Variants in ARID3A observed in about 807,000 individuals in gnomAD.
ARID3A encodes AT-rich interactive domain-containing protein 3A.
A neutral mutation model predicts 52.7 loss-of-function variants in ARID3A; 11 were observed. That is an observed-to-expected ratio of 0.21 (90% CI 0.13 to 0.35). The LOEUF (loss-of-function observed/expected upper bound fraction) is 0.35. ARID3A is among the 10% of genes least tolerant of loss of function. The pLI, the probability that ARID3A is intolerant of heterozygous loss-of-function variation, is 1.00. For missense variants in ARID3A, 721 were observed against 838.5 expected, an observed-to-expected ratio of 0.86 and a Z score of 1.73; for synonymous variants, 404 against 359.4, an observed-to-expected ratio of 1.12 and a Z score of -1.40.
chr19:934,437 T>A (rs75046450), intron 3 of ARID3A, among the ~76,000 whole-genome samples: 3,262 of 152,320 alleles, frequency 0.021, 200 homozygotes, highest in East Asian at 0.2. Flanking sequence ...ACTGTCTACC[T>A]TGTCTGGGCG....
chr19:926,622 A>G (rs1201695434), intron 1 of ARID3A, among the ~76,000 whole-genome samples: 1 of 151,396 alleles, frequency 6.6e-6, no homozygotes, highest in East Asian at 2.0e-4. Flanking sequence ...GTTTATTTAT[A>G]AAGTGTCCGC....
intron 3 of ARID3A, among the ~76,000 whole-genome samples, chr19:957,060 TTTC>T (rs2037935039): frequency 6.6e-6 from 1 of 152,128 alleles, no homozygotes; most frequent in East Asian, 1.9e-4. Context: ...TGAACTCCGC[TTTC>T]TAATTATCCC....
rs567834308 is a variant in ARID3A at position 932,601 on chromosome 19, C to T, written c.552C>T (p.Arg184=). 47 of 1,516,926 alleles carry T rather than the reference C, an allele frequency of 3.1e-5. No homozygotes were observed. In the East Asian group the frequency reaches 5.3e-4, roughly 17 times the overall value. The allele number at this position is 1,516,926 out of a possible 1,614,324, so 94.0% of individuals were successfully genotyped here. ...PRKAQPPQAF[R]GDGVPRVLGG... is the part of the protein sequence containing the mutation. ...AGGCCCAGCCACCCCAGGCCTTCCGCGGCGATGGCGTTCCCAGGGTGCTGG... is the reference window on the plus strand; with the variant it reads ...AGGCCCAGCCACCCCAGGCCTTCCGTGGCGATGGCGTTCCCAGGGTGCTGG... Residue 184 remains arginine (R), a synonymous_variant, in exon 3 of 9, where the codon CGC becomes CGT. Transcript: ENST00000263620.
intron 3 of ARID3A, among the ~76,000 whole-genome samples, chr19:954,364 C>T (rs1266508450): frequency 1.3e-5 from 2 of 152,236 alleles, no homozygotes; most frequent in African/African-American, 4.8e-5. Context: ...CCATCCCCCA[C>T]AGCAGGAAGT....
intron 7 of ARID3A, 55 bp from the exon 8 acceptor site, chr19:968,350 C>G (rs1193101752): frequency 4.0e-6 from 6 of 1,517,506 alleles, no homozygotes; most frequent in Middle Eastern, 1.8e-4. Flanking sequence ...CAGAGCAAGA[C>G]TCTGTCTCAA....
chr19:946,939 G>A (rs2037698402), intron 3 of ARID3A, among the ~76,000 whole-genome samples: 1 of 150,966 alleles, frequency 6.6e-6, no homozygotes, highest in South Asian at 2.1e-4. Flanking sequence ...GATTACAGGT[G>A]CGCCACTATG....
chr19:961,417 T>C (rs1019703806), intron 4 of ARID3A, among the ~76,000 whole-genome samples: 1 of 152,212 alleles, frequency 6.6e-6, no homozygotes, highest in Non-Finnish European at 1.5e-5. Context: ...GGGCCCCTCC[T>C]GTGTTATCCT....
In ARID3A at chr19:947,951, C is replaced by G. The variant is rs979083530; in HGVS notation, c.694-12141C>G. Among the ~76,000 whole-genome samples, 1 of 152,132 alleles carries G rather than the reference C, an allele frequency of 6.6e-6. No individual in the cohort carries two copies. Among genetic ancestry groups the G allele is most frequent in the Non-Finnish European group, 1.5e-5 (1 of 68,002 alleles). On this transcript the variant is annotated intron_variant, in intron 3 of 8. Transcript: ENST00000263620. The surrounding 1 kb of genome is among the most constrained non-coding windows in gnomAD (Gnocchi z 6.3). ...GAAAGGACCTCGTGGCTTAGGCAGG[C>G]GGGGGAGCCCCCCGGCTGGTCAGGT...
chr19:972,015 G>C lies in ARID3A; in HGVS notation c.1732G>C (p.Ala578Pro), dbSNP rs1254377590. 1 of 1,598,418 alleles carries C rather than the reference G, an allele frequency of 6.3e-7. No individual in the cohort carries two copies. The highest frequency in any genetic ancestry group is 8.5e-7 in the Non-Finnish European group (1 of 1,173,438). Residue 578 changes from alanine (A) to proline (P), a missense_variant, in exon 9 of 9, where the codon GCG (alanine) becomes CCG (proline). Transcript: ENST00000263620. Reference protein sequence around the residue: ...TGTSGGQAGPAGLSTPSTSTS... With the variant: ...TGTSGGQAGPPGLSTPSTSTS... Reference sequence around the variant, plus strand: ...AACCAGCGGCGGCCAGGCTGGGCCAGCGGGGCTGTCCACACCCTCCACATC... The same window carrying C: ...AACCAGCGGCGGCCAGGCTGGGCCACCGGGGCTGTCCACACCCTCCACATC...
Position 975,577 on chromosome 19 carries a change from A to AACTC in ARID3A, c.*3514_*3517dup, listed in dbSNP as rs1440643269. 4.6e-6 allele frequency: 1 copy of AACTC among 218,076 alleles called. No homozygotes were observed. Among genetic ancestry groups the AACTC allele is most frequent in the Non-Finnish European group, 9.2e-6 (1 of 108,546 alleles). 13.5% of individuals were successfully genotyped at this position (218,076 alleles called of 1,614,324 possible). A position where few individuals can be genotyped will look rare whatever the true frequency, so the allele number is the denominator to read the frequency against. ...CAGACGGCGTGGGAACCACGCCTGA[A>AACTC]ACTCAGGTAATAGGAGGAAAAAAAA... is the stretch of plus-strand genomic sequence containing the variant. On this transcript the variant is annotated 3_prime_UTR_variant, in exon 9 of 9. Transcript: ENST00000263620.
Position 947,470 on chromosome 19 carries a change from C to T in ARID3A, c.694-12622C>T, listed in dbSNP as rs771362952. Among the ~76,000 whole-genome samples the T allele has an allele frequency of 1.3e-4, 20 of 152,174 alleles. No individual in the cohort carries two copies. The highest frequency in any genetic ancestry group is 2.2e-4 in the Non-Finnish European group (15 of 68,036). ...GGCCTCAGTTTCCCCAACTGTGAAA[C>T]GGGCTGGCGGCCGGTCAGCGTCTCC... On this transcript the variant is annotated intron_variant, in intron 3 of 8. Coordinates refer to ENST00000263620, the MANE Select transcript of ARID3A (RefSeq NM_005224.3). This position sits in a 1 kb window ranked among gnomAD's most constrained non-coding sequence, Gnocchi z 6.3.
chr19:967,518 C>T (rs1305823292), intron 7 of ARID3A, among the ~76,000 whole-genome samples: 1 of 152,160 alleles, frequency 6.6e-6, no homozygotes, highest in African/African-American at 2.4e-5. Flanking sequence ...ATGATTGCAC[C>T]ACTGCATTCC....
chr19:974,329 C>T lies in ARID3A; in HGVS notation c.*2264C>T, dbSNP rs1219139812. ...GGCGTCTAGGTTTTCCTTGTCCCTTCCTGGGGCCAGCACCGTAGCAGCACA... is the reference window on the plus strand; with the variant it reads ...GGCGTCTAGGTTTTCCTTGTCCCTTTCTGGGGCCAGCACCGTAGCAGCACA... On this transcript the variant is annotated 3_prime_UTR_variant, in exon 9 of 9. Transcript: ENST00000263620. The T allele has an allele frequency of 4.4e-6, 1 of 228,510 alleles. No individual in the cohort carries two copies. 14.2% of individuals were successfully genotyped at this position (228,510 alleles called of 1,614,324 possible).
intron 2 of ARID3A, among the ~76,000 whole-genome samples, chr19:930,293 C>T (rs992533358): frequency 4.6e-5 from 7 of 151,666 alleles, no homozygotes; most frequent in East Asian, 2.0e-4. Flanking sequence ...GGCTTACGCC[C>T]GTAATCCCAG....
At position 962,905 on chromosome 19, in the gene ARID3A, G is replaced by A. The variant is rs547209409; in HGVS notation, c.767-1343G>A. Among the ~76,000 whole-genome samples the A allele has an allele frequency of 5.9e-5, 9 of 152,300 alleles. No homozygotes were observed. The East Asian group carries it at 1.5e-3, about 26-fold the overall frequency. On this transcript the variant is annotated intron_variant, in intron 4 of 8. Transcript: ENST00000263620. ...GAGGCTCTGGGCAGGTTTCCGGGCCGATCCTGCAGCTGAAACCCGGCGCGG... is the reference window on the plus strand; with the variant it reads ...GAGGCTCTGGGCAGGTTTCCGGGCCAATCCTGCAGCTGAAACCCGGCGCGG...
Position 941,370 on chromosome 19 carries a change from G to A in ARID3A, c.693+8628G>A, listed in dbSNP as rs540569889. On this transcript the variant is annotated intron_variant, in intron 3 of 8. Coordinates refer to ENST00000263620, the MANE Select transcript of ARID3A (RefSeq NM_005224.3). The surrounding 1 kb of genome is among the most constrained non-coding windows in gnomAD (Gnocchi z 6.9). The stretch of plus-strand genomic sequence containing the variant: ...ACCCTCCAAGGCCTCTGCCCACCGG[G>A]CACCTGCTGGATTCTGTGGGTCTCG... Among the ~76,000 whole-genome samples the A allele has an allele frequency of 6.5e-4, 99 of 152,342 alleles. No individual in the cohort carries two copies. The highest frequency in any genetic ancestry group is 2.2e-3 in the African/African-American group (91 of 41,590).
intron 3 of ARID3A, among the ~76,000 whole-genome samples, chr19:957,669 A>G (rs1054731166): frequency 2.6e-5 from 4 of 152,120 alleles, no homozygotes; most frequent in African/African-American, 9.7e-5. Flanking sequence ...AGAAAGACCC[A>G]TCTCTACAAA....
At position 975,475 on chromosome 19, in the gene ARID3A, T is replaced by C. The variant is rs1431743373; in HGVS notation, c.*3410T>C. On this transcript the variant is annotated 3_prime_UTR_variant, in exon 9 of 9. Transcript: ENST00000263620. ...TCCCTTTTTTCCCCAATTGTGCTTT[T>C]GCATTTTTTTCCTTGGCAAATGTAA... is the stretch of plus-strand genomic sequence containing the variant. 1 of 228,288 alleles carries C rather than the reference T, an allele frequency of 4.4e-6. No individual in the cohort carries two copies. Among genetic ancestry groups the C allele is most frequent in the African/African-American group, 2.2e-5 (1 of 44,992 alleles). 14.1% of individuals were successfully genotyped at this position (228,288 alleles called of 1,614,324 possible). A position where few individuals can be genotyped will look rare whatever the true frequency, so the allele number is the denominator to read the frequency against.
chr19:926,942 T>C (rs1328382865), intron 1 of ARID3A, among the ~76,000 whole-genome samples: 1 of 151,606 alleles, frequency 6.6e-6, no homozygotes, highest in Non-Finnish European at 1.5e-5. Flanking sequence ...GACCAGGGTT[T>C]CTGTCTTCTT....
Sources: gnomAD v4.1 joint callset for allele counts (sites outside exome capture counted in the v4.1 genomes callset) on GRCh38, gnomAD v4.1.1 for gene constraint, Gnocchi (gnomAD v3.1) non-coding constraint, MANE v1.5 for transcripts, NCBI Gene and HGNC (gene_info 2026-07-23, HGNC 2026-07-21) for gene names.